Variants in CTNNA3 observed in about 807,000 individuals in gnomAD.
CTNNA3 encodes the protein catenin alpha 3.
Under a neutral mutation model 95.7 loss-of-function variants are expected in CTNNA3, and 76 were observed. That is an observed-to-expected ratio of 0.79 (90% CI 0.66 to 0.96). CTNNA3 has a LOEUF of 0.96. Among genes scored for constraint, CTNNA3 ranks in the 40% least tolerant of loss-of-function variants. CTNNA3 has a pLI of 0.00. For synonymous variants in CTNNA3, 431 were observed against 374.4 expected, an observed-to-expected ratio of 1.15 and a Z score of -1.74; for missense variants, 1,191 against 1,089.8, an observed-to-expected ratio of 1.09 and a Z score of -1.31.
intron 13 of CTNNA3, among the ~76,000 whole-genome samples, chr10:66,270,230 G>A (rs1038468961): frequency 2.0e-5 from 3 of 151,276 alleles, no homozygotes; most frequent in East Asian, 2.0e-4. Context: ...TTTTTGGGGG[G>A]GGGGGCAGGG....
chr10:66,395,418 G>T (rs932201570), intron 11 of CTNNA3, among the ~76,000 whole-genome samples: 1 of 151,742 alleles, frequency 6.6e-6, no homozygotes, highest in Non-Finnish European at 1.5e-5. Context: ...TGCCCAAATC[G>T]GTATCATTCA....
rs546219938 is a variant in CTNNA3 at position 67,390,068 on chromosome 10, C to T, written c.579+131774G>A. The stretch of plus-strand genomic sequence containing the variant: ...AGAAATAACTAAAATCAGAGCAGAA[C>T]GGAAGGAAATAAAGACATAAAAAAC... On this transcript the variant is annotated intron_variant, in intron 5 of 17. Coordinates refer to ENST00000433211, the MANE Select transcript of CTNNA3 (RefSeq NM_013266.4). Among the ~76,000 whole-genome samples the T allele has an allele frequency of 2.6e-5, 4 of 152,022 alleles. No individual in the cohort carries two copies. The East Asian group carries it at 5.8e-4, about 22-fold the overall frequency.
chr10:65,992,765 T>C (rs368180861), intron 15 of CTNNA3, among the ~76,000 whole-genome samples: 19 of 152,224 alleles, frequency 1.2e-4, no homozygotes, highest in African/African-American at 4.3e-4. Flanking sequence ...TTATTACTTA[T>C]TTTCTTCTAC....
At chr10:66,193,904 A>C (rs1386537707) in intron 13 of CTNNA3, among the ~76,000 whole-genome samples, 2 of 152,206 alleles carry the variant, frequency 1.3e-5, no homozygotes, top group Non-Finnish European at 2.9e-5. Context: ...TTTAAACTCA[A>C]GAATATATTG....
chr10:67,510,440 A>C (rs1362904148), intron 5 of CTNNA3, among the ~76,000 whole-genome samples: 1 of 151,456 alleles, frequency 6.6e-6, no homozygotes, highest in Non-Finnish European at 1.5e-5. Context: ...TTTACTAAAT[A>C]GGGAATCCTT....
In CTNNA3 at chr10:66,013,221, C is replaced by T. The variant is rs149707913; in HGVS notation, c.2160-24424G>A. Among the ~76,000 whole-genome samples, 3 of 152,182 alleles carry T rather than the reference C, an allele frequency of 2.0e-5. No individual in the cohort carries two copies. The East Asian group carries it at 5.8e-4, about 29-fold the overall frequency. On this transcript the variant is annotated intron_variant, in intron 15 of 17. Transcript: ENST00000433211. ...TGGCCTCAATGTTTCTTTTTATATACTGTGCATGTATATTATTTTCATGAA... is the reference window on the plus strand; with the variant it reads ...TGGCCTCAATGTTTCTTTTTATATATTGTGCATGTATATTATTTTCATGAA...
intron 5 of CTNNA3, among the ~76,000 whole-genome samples, chr10:67,418,501 T>C (rs958120156): frequency 1.7e-5 from 2 of 116,136 alleles, no homozygotes; most frequent in Non-Finnish European, 3.6e-5. Context: ...CACAATTGAA[T>C]ACTATTTCAC....
At chr10:66,329,752 T>A (rs7918597) in intron 12 of CTNNA3, among the ~76,000 whole-genome samples, 109,647 of 151,932 alleles carry the variant, frequency 0.72, 40,021 homozygotes, top group Non-Finnish European at 0.78. Context: ...TATACTTGAA[T>A]AGTTTCTAGT....
chr10:67,225,855 GGATCCAAACC>G (rs1864888452), intron 5 of CTNNA3, among the ~76,000 whole-genome samples: 1 of 152,122 alleles, frequency 6.6e-6, no homozygotes, highest in Non-Finnish European at 1.5e-5. Flanking sequence ...CACCAGCAAT[GGATCCAAACC>G]AAGAAGAAAT....
intron 5 of CTNNA3, among the ~76,000 whole-genome samples, chr10:67,450,437 AT>A (rs765133958): frequency 1.4e-4 from 22 of 152,358 alleles, no homozygotes; most frequent in Non-Finnish European, 2.5e-4. Flanking sequence ...ACACCATTCA[AT>A]GCTATGCAGC....
chr10:67,244,774 A>G (rs773892730), intron 5 of CTNNA3, among the ~76,000 whole-genome samples: 1 of 152,192 alleles, frequency 6.6e-6, no homozygotes, highest in Non-Finnish European at 1.5e-5. Flanking sequence ...CTAGTCCAGA[A>G]AACCGGTATG....
At chr10:66,890,190 A>G (rs542553464) in intron 7 of CTNNA3, among the ~76,000 whole-genome samples, 38 of 152,294 alleles carry the variant, frequency 2.5e-4, no homozygotes, top group Non-Finnish European at 5.0e-4. Flanking sequence ...GATGCAGAAT[A>G]GATAGATAAA....
At chr10:66,189,273 A>C (rs1324871741) in intron 13 of CTNNA3, among the ~76,000 whole-genome samples, 8 of 34,352 alleles carry the variant, frequency 2.3e-4, no homozygotes, top group African/African-American at 1.5e-3. Context: ...GAGTTCTATC[A>C]AAAAAAAAAA....
At chr10:67,345,894 T>C (rs1447911168) in intron 5 of CTNNA3, among the ~76,000 whole-genome samples, 1 of 152,140 alleles carries the variant, frequency 6.6e-6, no homozygotes, top group Non-Finnish European at 1.5e-5. Flanking sequence ...TGTTTTGTGG[T>C]CTTCTCTTCC....
intron 7 of CTNNA3, among the ~76,000 whole-genome samples, chr10:66,900,284 C>A (rs1845684071): frequency 6.6e-6 from 1 of 152,150 alleles, no homozygotes; most frequent in Non-Finnish European, 1.5e-5. Context: ...AGGGGCCTGA[C>A]TGTTACAAGG....
At chr10:67,422,530 G>A (rs1200524375) in intron 5 of CTNNA3, among the ~76,000 whole-genome samples, 2 of 152,034 alleles carry the variant, frequency 1.3e-5, no homozygotes, top group African/African-American at 4.8e-5. Flanking sequence ...GCTTAGATTT[G>A]TCTCCCCACT....
At chr10:67,260,121 C>T (rs1354971760) in intron 5 of CTNNA3, among the ~76,000 whole-genome samples, 1 of 152,132 alleles carries the variant, frequency 6.6e-6, no homozygotes, top group African/African-American at 2.4e-5. Flanking sequence ...CAAATGAACC[C>T]AATAACGGCA....
chr10:66,433,759 G>A (rs908269855), intron 11 of CTNNA3, among the ~76,000 whole-genome samples: 1 of 152,058 alleles, frequency 6.6e-6, no homozygotes, highest in African/African-American at 2.4e-5. Flanking sequence ...TTTCTTCTAG[G>A]GCTTTTATGG....
intron 4 of CTNNA3, among the ~76,000 whole-genome samples, chr10:67,531,608 C>T (rs181666793): frequency 1.3e-3 from 200 of 152,288 alleles, no homozygotes; most frequent in Non-Finnish European, 1.9e-3. Flanking sequence ...GCAGAAGAGA[C>T]TTGCCTTGTC....
Sources: allele counts gnomAD v4.1 joint callset (sites outside exome capture counted in the v4.1 genomes callset), GRCh38; gene constraint gnomAD v4.1.1; transcripts MANE v1.5; gene names NCBI Gene and HGNC (gene_info 2026-07-23, HGNC 2026-07-21).